WNT2: variants seen among roughly 807,000 people sequenced by gnomAD.
The protein encoded by WNT2 is protein Wnt-2.
In WNT2, 12 loss-of-function variants were observed where a neutral mutation model predicts 36.9. That is an observed-to-expected ratio of 0.33 (90% confidence interval 0.21 to 0.53). WNT2 has a LOEUF of 0.53. Ranked by LOEUF, WNT2 falls within the 20% of genes least tolerant of loss-of-function variation. WNT2 has a pLI of 0.95. For synonymous variants in WNT2, 163 were observed against 174.6 expected, an observed-to-expected ratio of 0.93 and a Z score of 0.52; for missense variants, 379 against 473.1, an observed-to-expected ratio of 0.80 and a Z score of 1.84.
At chr7:117,316,710 A>G (rs1016896431) in intron 2 of WNT2, among the ~76,000 whole-genome samples, 4 of 152,032 alleles carry the variant, frequency 2.6e-5, no homozygotes, top group African/African-American at 9.7e-5. Context: ...GAAAATATTT[A>G]CCCCCCAAAC....
At chr7:117,321,370 T>C (rs1185252418) in intron 1 of WNT2, among the ~76,000 whole-genome samples, 1 of 152,268 alleles carries the variant, frequency 6.6e-6, no homozygotes. Flanking sequence ...TTCCATTTTG[T>C]AGCTCTTTTT....
chr7:117,280,311 C>T (rs1794459052), intron 4 of WNT2, among the ~76,000 whole-genome samples: 1 of 152,192 alleles, frequency 6.6e-6, no homozygotes, highest in South Asian at 2.1e-4. Flanking sequence ...AAAGGACTCA[C>T]TGCCAAATGC....
chr7:117,289,609 C>G (rs572724648), intron 4 of WNT2, among the ~76,000 whole-genome samples: 5 of 152,318 alleles, frequency 3.3e-5, no homozygotes, highest in South Asian at 4.1e-4. Flanking sequence ...TGCAGCTAAT[C>G]TAATGAAACT....
intron 4 of WNT2, among the ~76,000 whole-genome samples, chr7:117,297,142 C>T (rs1794805459): frequency 6.6e-6 from 1 of 152,094 alleles, no homozygotes; most frequent in African/African-American, 2.4e-5. Flanking sequence ...GACTTTTTGC[C>T]CTGGACATTG....
intron 2 of WNT2, 134 bp downstream of exon 2, chr7:117,320,433 G>T: frequency 1.2e-6 from 1 of 859,126 alleles, no homozygotes. Flanking sequence ...GTAGAACAGG[G>T]ACAATGACGC....
At chr7:117,281,992 T>C (rs1005137095) in intron 4 of WNT2, among the ~76,000 whole-genome samples, 2 of 152,114 alleles carry the variant, frequency 1.3e-5, no homozygotes, top group African/African-American at 4.8e-5. Flanking sequence ...AGAGTGGTGA[T>C]AAAAGCAAGG....
chr7:117,297,005 G>A (rs1324302429), intron 4 of WNT2, among the ~76,000 whole-genome samples: 1 of 152,166 alleles, frequency 6.6e-6, no homozygotes, highest in Non-Finnish European at 1.5e-5. Flanking sequence ...CACAGTGGTG[G>A]GATTTAATGT....
intron 4 of WNT2, among the ~76,000 whole-genome samples, chr7:117,282,253 T>G (rs1794501642): frequency 6.6e-6 from 1 of 152,134 alleles, no homozygotes; most frequent in African/African-American, 2.4e-5. Context: ...TGTGGGTGTG[T>G]CCATTTGTGA....
Position 117,278,173 on chromosome 7 carries a change from G to C in WNT2, c.1065C>G (p.Asp355Glu). 6.2e-7 allele frequency: 1 copy of C among 1,614,250 alleles called. No individual in the cohort carries two copies. Among genetic ancestry groups the C allele is most frequent in the Non-Finnish European group, 8.5e-7 (1 of 1,180,040 alleles). ...GCTGGGGTCATGTAGCGGTTGTCCA[G>C]TCAGCGTTCTTGGGGGCCTTGCATG... is the stretch of plus-strand genomic sequence containing the variant. ...VHTCKAPKNA[D>E]WTTAT The change falls in exon 5 of 5, where the codon GAC (aspartate) becomes GAG (glutamate). Residue 355 changes from aspartate to glutamate, a missense_variant. Transcript: ENST00000265441.
Position 117,277,988 on chromosome 7 carries a change from TG to T in WNT2, c.*166del. 1.5e-6 allele frequency: 1 copy of T among 668,036 alleles called. No individual in the cohort carries two copies. Among genetic ancestry groups the T allele is most frequent in the Non-Finnish European group, 2.6e-6 (1 of 390,922 alleles). The allele number at this position is 668,036 out of a possible 1,614,324, so 41.4% of individuals were successfully genotyped here. ...TAGGGTAGGCTTTAGGTGCAGCGTG[TG>T]GCCCCCCCATCCTGGGGCCCCCAGG... On this transcript the variant is annotated 3_prime_UTR_variant, in exon 5 of 5. Transcript: ENST00000265441.
At chr7:117,294,854 G>A (rs997993354) in intron 4 of WNT2, among the ~76,000 whole-genome samples, 1 of 152,196 alleles carries the variant, frequency 6.6e-6, no homozygotes, top group African/African-American at 2.4e-5. Context: ...ACTTTGGGAG[G>A]CTGAGGCAGG....
chr7:117,297,980 G>C, intron 3 of WNT2, 104 bp from the exon 4 acceptor site: 1 of 1,419,502 alleles, frequency 7.0e-7, no homozygotes, highest in Non-Finnish European at 9.4e-7. Context: ...CAGGATGCTG[G>C]ATCCTGGGGC....
intron 3 of WNT2, among the ~76,000 whole-genome samples, chr7:117,310,151 G>A (rs1170541465): frequency 6.6e-6 from 1 of 152,048 alleles, no homozygotes; most frequent in African/African-American, 2.4e-5. Flanking sequence ...CTTTCAAAGT[G>A]GACTCTAGAG....
chr7:117,308,308 A>C (rs1475240412), intron 3 of WNT2, among the ~76,000 whole-genome samples: 1 of 152,242 alleles, frequency 6.6e-6, no homozygotes, highest in Non-Finnish European at 1.5e-5. Context: ...TTAGCTAGAA[A>C]ATATAAGGTG....
Position 117,322,536 on chromosome 7 carries a change from TACACACAC to T in WNT2, c.83+363_83+370del, listed in dbSNP as rs144898264. ...GCGGTTGTAGTTTTCAAGGTGAATT[TACACACAC>T]ACACACACACACACACACACACACA... is the stretch of plus-strand genomic sequence containing the variant. On this transcript the variant is annotated intron_variant, in intron 1 of 4. Transcript: ENST00000265441. The surrounding 1 kb of genome is among the most constrained non-coding windows in gnomAD (Gnocchi z 5.4). Among the ~76,000 whole-genome samples the T allele has an allele frequency of 1.8e-4, 23 of 127,998 alleles. No homozygotes were observed. Among genetic ancestry groups the T allele is most frequent in the East Asian group, 7.1e-4 (3 of 4,226 alleles). 84.0% of individuals were successfully genotyped at this position (127,998 alleles called of 152,430 possible).
chr7:117,279,938 G>A (rs1207055409), intron 4 of WNT2, among the ~76,000 whole-genome samples: 1 of 152,112 alleles, frequency 6.6e-6, no homozygotes, highest in African/African-American at 2.4e-5. Flanking sequence ...CCTCGTGACT[G>A]TCTCTCTGTT....
In WNT2 at chr7:117,322,725, A is replaced by C. The variant is rs1323162867; in HGVS notation, c.83+182T>G. 6.6e-6 allele frequency among the ~76,000 whole-genome samples: 1 copy of C among 152,142 alleles called. No homozygotes were observed. Among genetic ancestry groups the C allele is most frequent in the Non-Finnish European group, 1.5e-5 (1 of 68,014 alleles). On this transcript the variant is annotated intron_variant, in intron 1 of 4. Transcript: ENST00000265441. The surrounding 1 kb of genome is among the most constrained non-coding windows in gnomAD (Gnocchi z 5.4). Reference sequence around the variant, plus strand: ...GTTTTATGGAGTTGTCAAAGCTGAAATGATCTTCTGGGAAAAGAGAAGGGG... The same window carrying C: ...GTTTTATGGAGTTGTCAAAGCTGAACTGATCTTCTGGGAAAAGAGAAGGGG...
At chr7:117,288,072 C>T (rs1003295282) in intron 4 of WNT2, among the ~76,000 whole-genome samples, 1 of 152,168 alleles carries the variant, frequency 6.6e-6, no homozygotes, top group African/African-American at 2.4e-5. Context: ...ACCCAGTCTT[C>T]AGGCACCATG....
At chr7:117,311,147 G>T (rs1795112741) in intron 3 of WNT2, among the ~76,000 whole-genome samples, 1 of 152,154 alleles carries the variant, frequency 6.6e-6, no homozygotes, top group Non-Finnish European at 1.5e-5. Flanking sequence ...AGGCTAAATT[G>T]GTTTGGGTGT....
Sources: gnomAD v4.1 joint callset for allele counts (sites outside exome capture counted in the v4.1 genomes callset) on GRCh38, gnomAD v4.1.1 for gene constraint, Gnocchi (gnomAD v3.1) non-coding constraint, MANE v1.5 for transcripts, NCBI Gene and HGNC (gene_info 2026-07-23, HGNC 2026-07-21) for gene names.